The following RHOT2 variants were observed in gnomAD, a reference collection of about 807,000 sequenced individuals.
RHOT2 encodes ras homolog family member T2.
Under a neutral mutation model 81.6 loss-of-function variants are expected in RHOT2, and 90 were observed. The ratio of observed to expected loss-of-function variants is 1.10; its 90% CI spans 0.93 to 1.31. The LOEUF (loss-of-function observed/expected upper bound fraction) is 1.31, where lower values mean the gene tolerates loss of function less well. RHOT2 is among the 40% of genes most tolerant of loss of function. The probability of loss-of-function intolerance (pLI) is 0.00; values close to 1 mark genes in which losing one functional copy is unlikely to be tolerated. For missense variants in RHOT2, 1,014 were observed against 841.9 expected, an observed-to-expected ratio of 1.20 and a Z score of -2.53; for synonymous variants, 512 against 370.9, an observed-to-expected ratio of 1.38 and a Z score of -4.37.
At chr16:670,595 G>C in intron 8 of RHOT2, 38 bp downstream of exon 8, 1 of 1,596,284 alleles carries the variant, frequency 6.3e-7, no homozygotes, top group Non-Finnish European at 8.6e-7. Context: ...TGGTTCCCCA[G>C]GGGCCCAGGG....
chr16:672,933 T>G lies in RHOT2; in HGVS notation c.1533T>G (p.His511Gln), dbSNP rs1425269610. The part of the protein sequence containing the change: ...FAHCASVYKH[H>Q]YMDGQTPCLF... Reference sequence around the variant, plus strand: ...ATACCACTCTCTGCCCACAGCACCATTACATGGACGGGCAGACCCCCTGCC... The same window carrying G: ...ATACCACTCTCTGCCCACAGCACCAGTACATGGACGGGCAGACCCCCTGCC... Residue 511 changes from histidine (H) to glutamine (Q), a missense_variant, in exon 18 of 19, where the codon CAT (histidine) becomes CAG (glutamine). By Grantham distance (24) the His-to-Gln change is conservative (BLOSUM62 0). Transcript: ENST00000315082. 2 of 1,612,654 alleles carry G rather than the reference T, an allele frequency of 1.2e-6. No individual in the cohort carries two copies. Among genetic ancestry groups the G allele is most frequent in the Non-Finnish European group, 8.5e-7 (1 of 1,179,980 alleles).
chr16:669,532 ACCT>A lies in RHOT2; in HGVS notation c.223-19_223-17del. ...GTGAGCCAGCAGCCCTGTCACCCAC[ACCT>A]CATCACTGTTCCCTCAGGCAAACGT... On this transcript the variant is annotated intron_variant, in intron 4 of 18. Transcript: ENST00000315082. The A allele has an allele frequency of 6.2e-7, 1 of 1,610,442 alleles. No homozygotes were observed. Among genetic ancestry groups the A allele is most frequent in the Non-Finnish European group, 8.5e-7 (1 of 1,179,388 alleles).
chr16:669,126 C>T (rs1026145748), intron 4 of RHOT2: 7 of 380,120 alleles, frequency 1.8e-5, no homozygotes, highest in Non-Finnish European at 2.9e-5. Context: ...CTGTTGGCAC[C>T]CCTCACTGCG....
Position 670,473 on chromosome 16 carries a change from G to A in RHOT2, c.456G>A (p.Leu152=), listed in dbSNP as rs1435669459. ...ETCVECSAKN[L]RNISELFYYA... ...TTTCCCAGTGTTCGGCCAAGAACCT[G>A]AGGAACATCTCAGAGCTGTTCTACT... The change falls in exon 8 of 19, where the codon CTG becomes CTA. Residue 152 remains leucine, a synonymous_variant. Coordinates refer to ENST00000315082, the MANE Select transcript of RHOT2 (RefSeq NM_138769.3). 3.7e-6 allele frequency: 6 copies of A among 1,607,098 alleles called. No individual in the cohort carries two copies. In the East Asian group the frequency reaches 1.1e-4, roughly 30 times the overall value.
At position 673,088 on chromosome 16, in the gene RHOT2, G is replaced by C; in HGVS notation, c.1688G>C (p.Ser563Thr). 2.5e-6 allele frequency: 4 copies of C among 1,611,726 alleles called. No homozygotes were observed. In the South Asian group the frequency reaches 3.3e-5, roughly 13 times the overall value. Residue 563 changes from serine (S) to threonine (T), a missense_variant, in exon 18 of 19, where the codon AGC becomes ACC. Transcript: ENST00000315082. Reference protein sequence around the residue: ...PFSCAGPAEPSTTIFTQLATM... With the variant: ...PFSCAGPAEPTTTIFTQLATM... ...TCCTGTGCTGGCCCAGCCGAGCCCA[G>C]CACCACCATCTTCACCCAGCTCGCC...
Position 668,248 on chromosome 16 carries a change from C to T in RHOT2, c.37+12C>T. ...GTTACTGGGCGAGGGTAGGCGCCGGCCCGGGGGTCTCGGAGCTGCGGCGGC... is the reference window on the plus strand; with the variant it reads ...GTTACTGGGCGAGGGTAGGCGCCGGTCCGGGGGTCTCGGAGCTGCGGCGGC... On this transcript the variant is annotated intron_variant, in intron 1 of 18. Transcript: ENST00000315082. 2.6e-6 allele frequency: 2 copies of T among 772,498 alleles called. No individual in the cohort carries two copies. The allele number at this position is 772,498 out of a possible 1,614,324, so 47.9% of individuals were successfully genotyped here. A position where few individuals can be genotyped will look rare whatever the true frequency, so the allele number is the denominator to read the frequency against.
In RHOT2 at chr16:670,183, G is replaced by A. The variant is rs374373316; in HGVS notation, c.329+8G>A. 4.4e-6 allele frequency: 7 copies of A among 1,607,532 alleles called. No homozygotes were observed. The highest frequency in any genetic ancestry group is 3.3e-4 in the Middle Eastern group (2 of 6,046). On this transcript the variant is annotated splice_region_variant and intron_variant, in intron 6 of 18. Transcript: ENST00000315082. ...GACCACGCAGGGGCCCAGGTAATGA[G>A]GGGATGTGGAAGGGGCTGGGACCCC...
rs994667270 is a variant in RHOT2 at position 668,646 on chromosome 16, G to A, written c.179-10G>A. The stretch of plus-strand genomic sequence containing the variant: ...GCTGGGTCCGCAGTGGAGTCTCTTT[G>A]TCCCCCTAGAAGCCGAGCAGACGGA... On this transcript the variant is annotated splice_polypyrimidine_tract_variant and intron_variant, in intron 3 of 18. Transcript: ENST00000315082. 1.9e-6 allele frequency: 3 copies of A among 1,608,132 alleles called. No homozygotes were observed. The African/African-American group carries it at 4.0e-5, about 22-fold the overall frequency.
chr16:668,319 T>TAAAAAA, intron 1 of RHOT2, 34 bp from the exon 2 acceptor site: 1 of 1,292,950 alleles, frequency 7.7e-7, no homozygotes, highest in Non-Finnish European at 9.8e-7. Context: ...CGCCGTGACC[T>TAAAAAA]TGGCCCTCGC....
rs776951800 is a variant in RHOT2, at chr16:672,908, A to C, written c.1528-20A>C. On this transcript the variant is annotated intron_variant, in intron 17 of 18. Coordinates refer to ENST00000315082, the MANE Select transcript of RHOT2 (RefSeq NM_138769.3). ...CTCGGCCACCCCAGGACTGTACCTC[A>C]TACCACTCTCTGCCCACAGCACCAT... 59 of 1,612,712 alleles carry C rather than the reference A, an allele frequency of 3.7e-5. No individual in the cohort carries two copies. The highest frequency in any genetic ancestry group is 1.6e-4 in the Middle Eastern group (1 of 6,062).
In RHOT2 at chr16:672,374, G is replaced by T. The variant is rs146501820; in HGVS notation, c.1316G>T (p.Arg439Leu). ...GCCTTCCTGCAGGCCTTTCTCGGCC[G>T]CGGCCTGGGGGTAAGCACCCTAGAC... ...KSAFLQAFLG[R>L]GLGHQDTREQ... is the part of the protein sequence containing the mutation. Residue 439 changes from arginine to leucine, a missense_variant, in exon 15 of 19, where the codon CGC becomes CTC. Physicochemically the swap from Arg to Leu is moderately radical, Grantham distance 102. Transcript: ENST00000315082. 7.9e-5 allele frequency: 127 copies of T among 1,610,084 alleles called. No homozygotes were observed. Among genetic ancestry groups the T allele is most frequent in the Admixed American group, 6.7e-5 (4 of 59,802 alleles).
chr16:670,315 C>T lies in RHOT2; in HGVS notation c.396C>T (p.Leu132=). ...CGGGGAGCTCCATGGAGGCCGTGCT[C>T]CCCATCATGAGCCAGTTTCCCGAGA... ...LRSGSSMEAV[L]PIMSQFPEIE... Residue 132 remains leucine, a synonymous_variant, in exon 7 of 19, where the codon CTC becomes CTT. Coordinates refer to ENST00000315082, the MANE Select transcript of RHOT2 (RefSeq NM_138769.3). 2.5e-6 allele frequency: 4 copies of T among 1,612,868 alleles called. No homozygotes were observed. The highest frequency in any genetic ancestry group is 3.4e-6 in the Non-Finnish European group (4 of 1,179,964).
At chr16:669,370 T>C (rs189948215) in intron 4 of RHOT2, 183 bp from the exon 5 acceptor site, 1 of 629,310 alleles carries the variant, frequency 1.6e-6, no homozygotes, top group Admixed American at 2.4e-5. Context: ...GAGTGCCTGC[T>C]CTGCCAACAC....
rs1408253529 is a variant in RHOT2, at chr16:670,546, G to C, written c.529G>C (p.Glu177Gln). 1.2e-6 allele frequency: 2 copies of C among 1,605,948 alleles called. No individual in the cohort carries two copies. The highest frequency in any genetic ancestry group is 1.7e-5 in the Admixed American group (1 of 59,490). ...LHPTAPLYDP[E>Q]AKQLRPACAQ... The stretch of plus-strand genomic sequence containing the variant: ...TCCCACAGCCCCCCTCTATGACCCT[G>C]AGGCCAAGCAGGTGAGCATCGGCTG... The change falls in exon 8 of 19, where the codon GAG becomes CAG. Residue 177 changes from glutamate to glutamine, a missense_variant. Coordinates refer to ENST00000315082, the MANE Select transcript of RHOT2 (RefSeq NM_138769.3).
rs1240452723 is a variant in RHOT2 at position 670,665 on chromosome 16, A to G, written c.541-10A>G. 6.2e-7 allele frequency: 1 copy of G among 1,611,610 alleles called. No individual in the cohort carries two copies. The highest frequency in any genetic ancestry group is 1.7e-5 in the Admixed American group (1 of 60,000). On this transcript the variant is annotated splice_polypyrimidine_tract_variant and intron_variant, in intron 8 of 18. Transcript: ENST00000315082. Reference sequence around the variant, plus strand: ...GGTCACCTGAGGGTGCTGAGCCAACATCCCCACAGTTGAGGCCCGCGTGCG... The same window carrying G: ...GGTCACCTGAGGGTGCTGAGCCAACGTCCCCACAGTTGAGGCCCGCGTGCG...
In RHOT2 at chr16:668,654, A is replaced by G. The variant is rs867787546; in HGVS notation, c.179-2A>G. On this transcript the variant is annotated splice_acceptor_variant, in intron 3 of 18. Transcript: ENST00000315082. LOFTEE classifies it high-confidence loss of function. Reference sequence around the variant, plus strand: ...CGCAGTGGAGTCTCTTTGTCCCCCTAGAAGCCGAGCAGACGGACGAGGAGC... The same window carrying G: ...CGCAGTGGAGTCTCTTTGTCCCCCTGGAAGCCGAGCAGACGGACGAGGAGC... 3.7e-6 allele frequency: 6 copies of G among 1,606,748 alleles called. No individual in the cohort carries two copies. The highest frequency in any genetic ancestry group is 2.7e-5 in the African/African-American group (2 of 74,354).
Position 670,924 on chromosome 16 carries a change from G to C in RHOT2, c.672G>C (p.Gln224His). Residue 224 changes from glutamine (Q) to histidine (H), a missense_variant, in exon 10 of 19, where the codon CAG becomes CAC. By Grantham distance (24) the Gln-to-His change is conservative (BLOSUM62 0). Transcript: ENST00000315082. ...KSCFGHPLAP[Q>H]ALEDVKTVVC... is the part of the protein sequence containing the mutation. ...GCTTTGGGCACCCCCTGGCCCCGCA[G>C]GCCCTGGAGGACGTGAAGACGGTGG... The C allele has an allele frequency of 6.4e-7, 1 of 1,568,522 alleles. No homozygotes were observed. The highest frequency in any genetic ancestry group is 8.7e-7 in the Non-Finnish European group (1 of 1,154,124).
In RHOT2 at chr16:669,220, C is replaced by T. The variant is rs112577298; in HGVS notation, c.223-333C>T. ...GCAGGGTGTTGGGTTGCAGGTGTGG[C>T]CGTGTCTGTCCTGAGCCCTCTGCTC... On this transcript the variant is annotated intron_variant, in intron 4 of 18. Coordinates refer to ENST00000315082, the MANE Select transcript of RHOT2 (RefSeq NM_138769.3). The T allele has an allele frequency of 1.1e-3, 491 of 461,544 alleles. 2 individuals carry two copies. The highest frequency in any genetic ancestry group is 8.7e-3 in the African/African-American group (440 of 50,744). 28.6% of individuals were successfully genotyped at this position (461,544 alleles called of 1,614,324 possible). A position where few individuals can be genotyped will look rare whatever the true frequency, so the allele number is the denominator to read the frequency against.
At chr16:671,243 G>C in intron 11 of RHOT2, 40 bp downstream of exon 11, 3 of 1,515,436 alleles carry the variant, frequency 2.0e-6, no homozygotes, top group Non-Finnish European at 8.8e-7. Flanking sequence ...CTCCCCGAGG[G>C]TCAGGAGCTG....
Sources: allele counts gnomAD v4.1 joint callset, GRCh38; gene constraint gnomAD v4.1.1; transcripts MANE v1.5; gene names NCBI Gene and HGNC (gene_info 2026-07-23, HGNC 2026-07-21).